The following CENPP variants were observed in gnomAD, a reference collection of about 807,000 sequenced individuals.
CENPP encodes centromere protein P.
A neutral mutation model predicts 35.6 loss-of-function variants in CENPP; 24 were observed. The observed-to-expected ratio is 0.67, with a 90% confidence interval of 0.49 to 0.95. The LOEUF (loss-of-function observed/expected upper bound fraction) is 0.95. Among genes scored for constraint, CENPP ranks in the 40% least tolerant of loss-of-function variants. CENPP has a pLI of 0.00. For synonymous variants in CENPP, 120 were observed against 125.5 expected, an observed-to-expected ratio of 0.96 and a Z score of 0.29; for missense variants, 332 against 345.3, an observed-to-expected ratio of 0.96 and a Z score of 0.31.
chr9:92,470,743 G>A (rs766759207), intron 5 of CENPP: 26 of 1,596,200 alleles, frequency 1.6e-5, no homozygotes, highest in African/African-American at 9.4e-5. Flanking sequence ...TCAAGCATTC[G>A]AGTATCAAAT....
intron 5 of CENPP, among the ~76,000 whole-genome samples, chr9:92,545,853 G>T (rs1355944650): frequency 6.6e-6 from 1 of 151,552 alleles, no homozygotes; most frequent in African/African-American, 2.4e-5. Context: ...TCAAGGTTTG[G>T]TAAATGCACC....
intron 5 of CENPP, among the ~76,000 whole-genome samples, chr9:92,480,357 G>A (rs1433566303): frequency 6.6e-6 from 1 of 152,214 alleles, no homozygotes; most frequent in East Asian, 1.9e-4. Context: ...CAGAGGCAGT[G>A]AGCGTCCAGA....
intron 5 of CENPP, among the ~76,000 whole-genome samples, chr9:92,442,730 T>C (rs1198613813): frequency 1.3e-5 from 2 of 151,600 alleles, no homozygotes; most frequent in East Asian, 3.9e-4. Context: ...GTGCCTGTAG[T>C]ACCAGCTGCT....
intron 4 of CENPP, among the ~76,000 whole-genome samples, chr9:92,350,315 T>C (rs548686978): frequency 6.6e-6 from 1 of 152,320 alleles, no homozygotes; most frequent in Admixed American, 6.5e-5. Flanking sequence ...GAAAAATAGA[T>C]AAATTACAGT....
chr9:92,417,139 A>T, intron 5 of CENPP: 1 of 1,613,816 alleles, frequency 6.2e-7, no homozygotes, highest in Admixed American at 1.7e-5. Flanking sequence ...GTAGATTTGG[A>T]AGCTTAGCAA....
intron 4 of CENPP, among the ~76,000 whole-genome samples, chr9:92,352,267 G>T (rs1458355469): frequency 6.7e-6 from 1 of 150,356 alleles, no homozygotes. Flanking sequence ...CCACTCGGGA[G>T]GCTGAGGCAC....
At chr9:92,460,366 T>A in intron 5 of CENPP, 1 of 651,848 alleles carries the variant, frequency 1.5e-6, no homozygotes, top group Admixed American at 3.0e-5. Flanking sequence ...CCCTTCACAC[T>A]CTCCAGTTCC....
chr9:92,615,948 G>A lies in CENPP; in HGVS notation c.*2799G>A. The A allele has an allele frequency of 6.2e-7, 1 of 1,614,130 alleles. No individual in the cohort carries two copies. The highest frequency in any genetic ancestry group is 1.1e-5 in the South Asian group (1 of 91,072). ...TAATAGTTGACGATCTTGCCGTCCAGTTTATACTGATGGGGAATGCTCTCG... is the reference window on the plus strand; with the variant it reads ...TAATAGTTGACGATCTTGCCGTCCAATTTATACTGATGGGGAATGCTCTCG... On this transcript the variant is annotated 3_prime_UTR_variant, in exon 8 of 8. Coordinates refer to ENST00000375587, the MANE Select transcript of CENPP (RefSeq NM_001012267.3).
At chr9:92,470,024 T>TTG (rs1321761599) in intron 5 of CENPP, among the ~76,000 whole-genome samples, 2 of 152,210 alleles carry the variant, frequency 1.3e-5, no homozygotes, top group Non-Finnish European at 2.9e-5. Context: ...AGGTGGAGTC[T>TTG]TGTTGTGTTG....
At chr9:92,370,946 A>T (rs745336777) in intron 4 of CENPP, among the ~76,000 whole-genome samples, 1 of 151,656 alleles carries the variant, frequency 6.6e-6, no homozygotes, top group Admixed American at 6.6e-5. Flanking sequence ...CTGTGGTCTC[A>T]TTTGTATTGT....
At chr9:92,570,449 G>A (rs1186594868) in intron 5 of CENPP, among the ~76,000 whole-genome samples, 1 of 152,146 alleles carries the variant, frequency 6.6e-6, no homozygotes, top group Non-Finnish European at 1.5e-5. Context: ...TGGTGGATAA[G>A]CTTTTTGATG....
chr9:92,385,855 G>A (rs1842398155), intron 5 of CENPP: 1 of 1,521,380 alleles, frequency 6.6e-7, no homozygotes, highest in Non-Finnish European at 9.1e-7. Flanking sequence ...GCTATATAAT[G>A]GGTAAAGGAA....
rs889533879 is a variant in CENPP, at chr9:92,337,690, A to C, written c.378+61A>C. 9 of 1,048,440 alleles carry C rather than the reference A, an allele frequency of 8.6e-6. No homozygotes were observed. In the African/African-American group the frequency reaches 9.4e-5, roughly 11 times the overall value. The allele number at this position is 1,048,440 out of a possible 1,614,324, so 64.9% of individuals were successfully genotyped here. On this transcript the variant is annotated intron_variant, in intron 3 of 7. Transcript: ENST00000375587. Reference sequence around the variant, plus strand: ...TTCTGCTATGAGATAAACAATTCCCACACCCCAGCCTTCAACAGTGATGGA... The same window carrying C: ...TTCTGCTATGAGATAAACAATTCCCCCACCCCAGCCTTCAACAGTGATGGA...
Position 92,593,230 on chromosome 9 carries a change from G to A in CENPP, c.565-18084G>A, listed in dbSNP as rs774851568. On this transcript the variant is annotated intron_variant, in intron 5 of 7. Coordinates refer to ENST00000375587, the MANE Select transcript of CENPP (RefSeq NM_001012267.3). This position sits in a 1 kb window ranked among gnomAD's most constrained non-coding sequence, Gnocchi z 4.1. ...CCAGCTCCTGGGCAAAGGTGAGAAG[G>A]ATTTGTCACCAGAAGAAGGGAGATG... Among the ~76,000 whole-genome samples the A allele has an allele frequency of 2.6e-5, 4 of 152,204 alleles. No individual in the cohort carries two copies. The highest frequency in any genetic ancestry group is 5.9e-5 in the Non-Finnish European group (4 of 68,028).
At position 92,379,636 on chromosome 9, in the gene CENPP, T is replaced by C. The variant is rs900311722; in HGVS notation, c.468-127T>C. 6.5e-6 allele frequency: 4 copies of C among 612,860 alleles called. No homozygotes were observed. In the Admixed American group the frequency reaches 8.4e-5, roughly 13 times the overall value. The allele number at this position is 612,860 out of a possible 1,614,324, so 38.0% of individuals were successfully genotyped here. A position where few individuals can be genotyped will look rare whatever the true frequency, so the allele number is the denominator to read the frequency against. ...GAACACACACACACAAGTGCAAGAA[T>C]TGATATGTAGAACTACTTCAAGTTT... On this transcript the variant is annotated intron_variant, in intron 4 of 7. Coordinates refer to ENST00000375587, the MANE Select transcript of CENPP (RefSeq NM_001012267.3).
At chr9:92,355,901 T>A (rs1443213371) in intron 4 of CENPP, among the ~76,000 whole-genome samples, 1 of 152,234 alleles carries the variant, frequency 6.6e-6, no homozygotes, top group Non-Finnish European at 1.5e-5. Context: ...ATAGACACTT[T>A]AAAGGAATCA....
intron 5 of CENPP, chr9:92,495,536 C>T (rs1588179114): frequency 1.0e-6 from 1 of 982,006 alleles, no homozygotes; most frequent in Non-Finnish European, 1.2e-6. Context: ...TAAGCAAACT[C>T]TACTGCTTTT....
chr9:92,333,001 T>C (rs187260127), intron 2 of CENPP, among the ~76,000 whole-genome samples: 4 of 152,274 alleles, frequency 2.6e-5, no homozygotes, highest in Admixed American at 2.0e-4. Flanking sequence ...GCACCATTAA[T>C]TTATACATCT....
chr9:92,345,266 A>T (rs558213903), intron 3 of CENPP, among the ~76,000 whole-genome samples: 3 of 151,258 alleles, frequency 2.0e-5, no homozygotes, highest in African/African-American at 7.3e-5. Context: ...AAAAACAAAA[A>T]CAAAACAAAC....
Sources: gnomAD v4.1 joint callset for allele counts (sites outside exome capture counted in the v4.1 genomes callset) on GRCh38, gnomAD v4.1.1 for gene constraint, Gnocchi (gnomAD v3.1) non-coding constraint, MANE v1.5 for transcripts, NCBI Gene and HGNC (gene_info 2026-07-23, HGNC 2026-07-21) for gene names.